Variants in TAFA5 observed in about 807,000 individuals in gnomAD.
The protein encoded by TAFA5 is chemokine-like protein TAFA-5.
A neutral mutation model predicts 15.3 loss-of-function variants in TAFA5; 6 were observed. That is an observed-to-expected ratio of 0.39 (90% CI 0.21 to 0.77). TAFA5 has a LOEUF of 0.77. TAFA5 is among the 30% of genes least tolerant of loss of function. TAFA5 has a pLI of 0.41. For synonymous variants in TAFA5, 103 were observed against 80.7 expected (o/e 1.28, Z -1.48); for missense variants, 161 against 193.1 (o/e 0.83, Z 0.98).
intron 2 of TAFA5, among the ~76,000 whole-genome samples, chr22:48,699,970 G>A (rs1251724273): frequency 2.0e-5 from 3 of 152,122 alleles, no homozygotes; most frequent in Admixed American, 6.6e-5. Context: ...GAATTTACAC[G>A]GGGTATTGGG....
intron 1 of TAFA5, among the ~76,000 whole-genome samples, chr22:48,623,196 C>T (rs140498544): frequency 0.012 from 1,772 of 152,210 alleles, 40 homozygotes; most frequent in African/African-American, 0.041. Context: ...CGCCAGCAGC[C>T]GCAGCCTGTT....
chr22:48,672,466 A>G (rs1927832184), intron 2 of TAFA5, among the ~76,000 whole-genome samples: 1 of 152,256 alleles, frequency 6.6e-6, no homozygotes, highest in East Asian at 1.9e-4. Context: ...GGGAAAAAAA[A>G]TGGGTGAGAT....
intron 1 of TAFA5, among the ~76,000 whole-genome samples, chr22:48,572,975 A>G (rs1923641087): frequency 6.6e-6 from 1 of 152,210 alleles, no homozygotes; most frequent in Non-Finnish European, 1.5e-5. Flanking sequence ...TCGTTTAGAG[A>G]CATGTTAAAT....
chr22:48,683,205 G>A (rs1928250242), intron 2 of TAFA5, among the ~76,000 whole-genome samples: 1 of 152,088 alleles, frequency 6.6e-6, no homozygotes, highest in East Asian at 1.9e-4. Context: ...ACACACTCGG[G>A]GCACAGTGAT....
intron 1 of TAFA5, among the ~76,000 whole-genome samples, chr22:48,565,584 C>A (rs1198706785): frequency 1.3e-5 from 2 of 152,246 alleles, no homozygotes; most frequent in African/African-American, 4.8e-5. Context: ...GCTTTTAGGG[C>A]ATCCACAGAG....
intron 3 of TAFA5, among the ~76,000 whole-genome samples, chr22:48,713,697 G>A (rs955188079): frequency 2.0e-5 from 3 of 152,210 alleles, no homozygotes; most frequent in Non-Finnish European, 2.9e-5. Context: ...AGCTTGCTAC[G>A]GGGAGGAGCC....
At chr22:48,556,141 G>T (rs112166245) in intron 1 of TAFA5, among the ~76,000 whole-genome samples, 99 of 152,328 alleles carry the variant, frequency 6.5e-4, no homozygotes, top group Middle Eastern at 3.4e-3. Flanking sequence ...TGTCACCCGA[G>T]ACCAATGGCA....
At chr22:48,680,696 C>G (rs1282084487) in intron 2 of TAFA5, among the ~76,000 whole-genome samples, 1 of 152,244 alleles carries the variant, frequency 6.6e-6, no homozygotes, top group Non-Finnish European at 1.5e-5. Context: ...CAGAGGAGGA[C>G]TGAGGATGTG....
At chr22:48,567,316 C>T (rs1007241713) in intron 1 of TAFA5, among the ~76,000 whole-genome samples, 6 of 150,994 alleles carry the variant, frequency 4.0e-5, no homozygotes, top group South Asian at 2.1e-4. Flanking sequence ...CATCTGTTTC[C>T]GAGGACTGCG....
At chr22:48,720,315 A>AT (rs1407666358) in intron 3 of TAFA5, among the ~76,000 whole-genome samples, 2 of 151,894 alleles carry the variant, frequency 1.3e-5, no homozygotes, top group Non-Finnish European at 2.9e-5. Context: ...CACCGTTCCC[A>AT]TCCCTCTGAC....
chr22:48,672,459 A>G (rs1018275231), intron 2 of TAFA5, among the ~76,000 whole-genome samples: 23 of 152,186 alleles, frequency 1.5e-4, no homozygotes, highest in South Asian at 2.1e-4. Flanking sequence ...TTATCAGGGG[A>G]AAAAAAATGG....
At chr22:48,701,534 T>G (rs2147246518) in intron 2 of TAFA5, among the ~76,000 whole-genome samples, 1 of 151,916 alleles carries the variant, frequency 6.6e-6, no homozygotes, top group South Asian at 2.1e-4. Flanking sequence ...GATGGGGTTT[T>G]TGAAGTCCCC....
rs1297791606 is a variant in TAFA5, at chr22:48,598,481, C to T, written c.113-48116C>T. Among the ~76,000 whole-genome samples the T allele has an allele frequency of 6.6e-6, 1 of 152,080 alleles. No individual in the cohort carries two copies. The highest frequency in any genetic ancestry group is 1.5e-5 in the Non-Finnish European group (1 of 68,018). On this transcript the variant is annotated intron_variant, in intron 1 of 3. Coordinates refer to ENST00000402357, the MANE Select transcript of TAFA5 (RefSeq NM_001082967.3). The surrounding 1 kb of genome is among the most constrained non-coding windows in gnomAD (Gnocchi z 4.0). ...GAGACCACACAGGAAGGGACGTCTCCTCCTGGTGCCACCTCCTGGGAGAGT... is the reference window on the plus strand; with the variant it reads ...GAGACCACACAGGAAGGGACGTCTCTTCCTGGTGCCACCTCCTGGGAGAGT...
chr22:48,646,096 C>G (rs1303209918), intron 1 of TAFA5, among the ~76,000 whole-genome samples: 1 of 152,154 alleles, frequency 6.6e-6, no homozygotes, highest in Non-Finnish European at 1.5e-5. Flanking sequence ...GGCAGCGTGG[C>G]TGGTTCCACA....
chr22:48,608,282 T>C (rs1925272251), intron 1 of TAFA5, among the ~76,000 whole-genome samples: 1 of 152,324 alleles, frequency 6.6e-6, no homozygotes, highest in East Asian at 1.9e-4. Flanking sequence ...CCTCCTGTTT[T>C]CTCGCTATCC....
chr22:48,652,093 G>C (rs1220689316), intron 2 of TAFA5, among the ~76,000 whole-genome samples: 2 of 152,260 alleles, frequency 1.3e-5, no homozygotes, highest in African/African-American at 4.8e-5. Context: ...GGTTCTGAGA[G>C]GCTGGGCACA....
At chr22:48,561,729 A>G (rs1202002735) in intron 1 of TAFA5, among the ~76,000 whole-genome samples, 1 of 152,160 alleles carries the variant, frequency 6.6e-6, no homozygotes, top group Non-Finnish European at 1.5e-5. Flanking sequence ...ATGCTCCCCC[A>G]GGTGTCGAAA....
chr22:48,581,494 G>A (rs1924039066), intron 1 of TAFA5, among the ~76,000 whole-genome samples: 1 of 152,218 alleles, frequency 6.6e-6, no homozygotes, highest in Admixed American at 6.5e-5. Context: ...CCACTCGGTG[G>A]TCTGGAGGTG....
intron 2 of TAFA5, among the ~76,000 whole-genome samples, chr22:48,697,627 CA>C: frequency 7.0e-6 from 1 of 142,814 alleles, no homozygotes; most frequent in East Asian, 2.2e-4. Context: ...GTGATGAAGA[CA>C]GTATGGTAGT....
Sources: gnomAD v4.1 joint callset for allele counts (sites outside exome capture counted in the v4.1 genomes callset) on GRCh38, gnomAD v4.1.1 for gene constraint, Gnocchi (gnomAD v3.1) non-coding constraint, MANE v1.5 for transcripts, NCBI Gene and HGNC (gene_info 2026-07-23, HGNC 2026-07-21) for gene names.